Variants in FAM153A observed in about 807,000 individuals in gnomAD.
FAM153A encodes family with sequence similarity 153 member A.
In FAM153A, 12 loss-of-function variants were observed where a neutral mutation model predicts 48.1. The observed-to-expected ratio is 0.25, with a 90% confidence interval of 0.16 to 0.40. The LOEUF (loss-of-function observed/expected upper bound fraction) is 0.40, where lower values mean the gene tolerates loss of function less well. Ranked by LOEUF, FAM153A falls within the 10% of genes least tolerant of loss-of-function variation. FAM153A has a pLI of 1.00. For synonymous variants in FAM153A, 36 were observed against 118.2 expected, an observed-to-expected ratio of 0.30 and a Z score of 4.51; for missense variants, 111 against 345.8, an observed-to-expected ratio of 0.32 and a Z score of 5.38.
At chr5:177,707,338 TTC>T (rs1757960111), downstream of FAM153A, among the ~76,000 whole-genome samples, 1 of 151,882 alleles carries the variant, frequency 6.6e-6, no homozygotes, top group South Asian at 2.1e-4. Flanking sequence ...AGCAAGTATC[TTC>T]TCAGACCAAA....
intron 1 of FAM153A, among the ~76,000 whole-genome samples, chr5:177,758,968 A>G (rs1185206301): frequency 5.9e-5 from 9 of 151,780 alleles, no homozygotes; most frequent in Non-Finnish European, 1.3e-4. Flanking sequence ...AGCCAAAATT[A>G]ACAAATGGGA....
intron 2 of FAM153A, chr5:177,750,189 A>C (rs1359923018): frequency 6.6e-6 from 1 of 152,084 alleles, no homozygotes; most frequent in Non-Finnish European, 1.5e-5. Context: ...CTGGAAAAGG[A>C]AACCTATAGA....
intron 1 of FAM153A, among the ~76,000 whole-genome samples, chr5:177,759,980 AC>A (rs1227129088): frequency 3.4e-5 from 5 of 148,806 alleles, no homozygotes; most frequent in Non-Finnish European, 7.4e-5. Flanking sequence ...ATAAAAAAAA[AC>A]AAAAAAAACT....
chr5:177,722,208 CA>C (rs1206602924), downstream of FAM153A: 2 of 124,132 alleles, frequency 1.6e-5, no homozygotes, highest in Non-Finnish European at 1.7e-5. Flanking sequence ...CGGCTCACCG[CA>C]ACCTCCGCCT....
At chr5:177,707,637 A>C (rs1757983270), downstream of FAM153A, among the ~76,000 whole-genome samples, 3 of 151,244 alleles carry the variant, frequency 2.0e-5, no homozygotes, top group Non-Finnish European at 2.9e-5. Context: ...TTTTTTTGAG[A>C]CGGAGTCTTA....
rs1582403845 is a variant in FAM153A at position 177,739,227 on chromosome 5, C to T, written c.538-90G>A. The stretch of plus-strand genomic sequence containing the variant: ...TCTAAACTTGGTGCTATTAGAAAAC[C>T]AGATGGGAAATTCTGGTGGAGGCAA... On this transcript the variant is annotated intron_variant, in intron 9 of 20. Coordinates refer to ENST00000614127, the Ensembl canonical transcript of FAM153A. 1.6e-5 allele frequency: 23 copies of T among 1,417,236 alleles called. No homozygotes were observed. In the East Asian group the frequency reaches 4.9e-4, roughly 30 times the overall value. 87.8% of individuals were successfully genotyped at this position (1,417,236 alleles called of 1,614,324 possible).
chr5:177,721,664 G>T (rs1388418823), downstream of FAM153A, among the ~76,000 whole-genome samples: 1 of 66,040 alleles, frequency 1.5e-5, no homozygotes, highest in African/African-American at 5.2e-5. Flanking sequence ...GGCTACAGAT[G>T]GATGCTACCA....
At chr5:177,705,650 T>A (rs1757809479), downstream of FAM153A, among the ~76,000 whole-genome samples, 1 of 120,172 alleles carries the variant, frequency 8.3e-6, no homozygotes, top group South Asian at 2.8e-4. Flanking sequence ...ATTTTTCTTT[T>A]TCTTTTTCTT....
At chr5:177,759,753 T>G (rs527916745) in intron 1 of FAM153A, among the ~76,000 whole-genome samples, 142 of 150,628 alleles carry the variant, frequency 9.4e-4, no homozygotes, top group African/African-American at 3.3e-3. Context: ...TCATAGGTGG[T>G]AATTGAACAA....
At chr5:177,708,832 C>T (rs142169205), downstream of FAM153A, among the ~76,000 whole-genome samples, 4,040 of 151,190 alleles carry the variant, frequency 0.027, 85 homozygotes, top group Non-Finnish European at 0.043. Context: ...CAGTGGCTCA[C>T]GCCTGTAATC....
the FAM153A span, among the ~76,000 whole-genome samples, chr5:177,695,653 ACTT>A: frequency 2.0e-5 from 3 of 152,080 alleles, no homozygotes. Flanking sequence ...TCCTATGTCT[ACTT>A]CTTTCTACAC....
upstream of FAM153A, among the ~76,000 whole-genome samples, chr5:177,755,055 C>G (rs1767571235): frequency 6.6e-6 from 1 of 151,686 alleles, no homozygotes; most frequent in South Asian, 2.1e-4. Context: ...GGAGGAAGTT[C>G]AAACCAATGG....
downstream of FAM153A, among the ~76,000 whole-genome samples, chr5:177,719,319 G>A (rs1294956249): frequency 1.3e-5 from 2 of 149,272 alleles, no homozygotes; most frequent in Admixed American, 6.7e-5. Context: ...TAGGATAAAT[G>A]TGCCATCACA....
rs1379029652 is a variant in FAM153A, at chr5:177,764,235, G to A, written c.-56-15536C>T. Among the ~76,000 whole-genome samples, 7 of 148,512 alleles carry A rather than the reference G, an allele frequency of 4.7e-5. 1 individual carries two copies. The highest frequency in any genetic ancestry group is 4.7e-4 in the Admixed American group (7 of 14,860). On this transcript the variant is annotated intron_variant, in intron 1 of 8. Coordinates refer to the FAM153A transcript ENST00000393518. ...AGTGAGAGCCACTGTGAGCACTTGG[G>A]CCTGTCCCCATGAGGATGCCTATGA...
At chr5:177,694,927 G>GT in the FAM153A span, among the ~76,000 whole-genome samples, 3 of 151,856 alleles carry the variant, frequency 2.0e-5, no homozygotes, top group African/African-American at 7.3e-5. Flanking sequence ...GTAATTTTAG[G>GT]TTTTTTATTT....
At chr5:177,699,680 G>GTA in the FAM153A span, among the ~76,000 whole-genome samples, 2 of 152,242 alleles carry the variant, frequency 1.3e-5, no homozygotes, top group South Asian at 4.1e-4. Context: ...TCTGAAAGAT[G>GTA]TATAACAAGA....
the FAM153A span, among the ~76,000 whole-genome samples, chr5:177,702,513 G>A: frequency 2.0e-5 from 3 of 151,922 alleles, no homozygotes; most frequent in Admixed American, 6.5e-5. Flanking sequence ...ATTCAAGCAG[G>A]CTGCAGAAAT....
upstream of FAM153A, among the ~76,000 whole-genome samples, chr5:177,755,053 T>G (rs935405457): frequency 2.0e-5 from 3 of 151,674 alleles, no homozygotes; most frequent in Non-Finnish European, 4.4e-5. Flanking sequence ...AAGGAGGAAG[T>G]TCAAACCAAT....
In FAM153A at chr5:177,741,411, G is replaced by A. The variant is rs1224443166; in HGVS notation, c.365-79C>T. ...AGGCAGACTTGTGTGCTAAAAACAC[G>A]GGGCTGGCACATGTAGACAAGGGGG... On this transcript the variant is annotated intron_variant, in intron 6 of 20. Transcript: ENST00000614127. 175 of 760,052 alleles carry A rather than the reference G, an allele frequency of 2.3e-4. 58 individuals are homozygous for A. The highest frequency in any genetic ancestry group is 5.8e-5 in the Non-Finnish European group (32 of 551,956). 47.1% of individuals were successfully genotyped at this position (760,052 alleles called of 1,614,324 possible).
Sources: gnomAD v4.1 joint callset for allele counts (sites outside exome capture counted in the v4.1 genomes callset) on GRCh38, gnomAD v4.1.1 for gene constraint, MANE v1.5 for transcripts, NCBI Gene and HGNC (gene_info 2026-07-23, HGNC 2026-07-21) for gene names.